Variants in RBFOX1 observed in about 807,000 individuals in gnomAD.
RBFOX1 encodes RNA binding protein fox-1 homolog 1.
In RBFOX1, 8 loss-of-function variants were observed where a neutral mutation model predicts 57.7. That is an observed-to-expected ratio of 0.14 (90% CI 0.08 to 0.25). RBFOX1 has a LOEUF of 0.25. Among genes scored for constraint, RBFOX1 ranks in the 10% least tolerant of loss-of-function variants. The probability of loss-of-function intolerance (pLI) is 1.00; values close to 1 mark genes in which losing one functional copy is unlikely to be tolerated. For missense variants in RBFOX1, 611 were observed against 548.5 expected, an observed-to-expected ratio of 1.11 and a Z score of -1.14; for synonymous variants, 326 against 222.4, an observed-to-expected ratio of 1.47 and a Z score of -4.15.
intron 4 of RBFOX1, among the ~76,000 whole-genome samples, chr16:5,992,163 G>GA (rs200237630): frequency 4.0e-5 from 6 of 148,326 alleles, no homozygotes; most frequent in African/African-American, 7.4e-5. Flanking sequence ...AAATTCTGAA[G>GA]AAAAAAAAAG....
intron 4 of RBFOX1, among the ~76,000 whole-genome samples, chr16:7,176,528 C>T (rs1192847338): frequency 6.6e-6 from 1 of 152,172 alleles, no homozygotes; most frequent in East Asian, 1.9e-4. Context: ...TTTGTAAATA[C>T]AGTTATAGTG....
intron 2 of RBFOX1, among the ~76,000 whole-genome samples, chr16:5,548,168 AAAAAAAATAT>A (rs1190973416): frequency 0.029 from 1,637 of 57,070 alleles, 39 homozygotes; most frequent in East Asian, 0.13. Flanking sequence ...TAAAAAAAAA[AAAAAAAATAT>A]ATATATATAT....
chr16:5,987,897 C>T (rs1016736148), intron 4 of RBFOX1, among the ~76,000 whole-genome samples: 1 of 152,162 alleles, frequency 6.6e-6, no homozygotes, highest in Non-Finnish European at 1.5e-5. Context: ...TGAAGTTACA[C>T]TGTGACATGG....
intron 4 of RBFOX1, among the ~76,000 whole-genome samples, chr16:7,163,684 T>C (rs928465534): frequency 1.3e-5 from 2 of 152,284 alleles, no homozygotes; most frequent in African/African-American, 4.8e-5. Flanking sequence ...TTTTAGACAG[T>C]CTTGCTCTGT....
intron 1 of RBFOX1, among the ~76,000 whole-genome samples, chr16:6,287,113 C>G (rs1206769187): frequency 6.6e-6 from 1 of 152,066 alleles, no homozygotes; most frequent in Non-Finnish European, 1.5e-5. Context: ...GCACACCTCA[C>G]CCAAGGGTAT....
At chr16:6,860,614 A>G (rs906207815) in intron 3 of RBFOX1, among the ~76,000 whole-genome samples, 1 of 152,224 alleles carries the variant, frequency 6.6e-6, no homozygotes, top group Non-Finnish European at 1.5e-5. Context: ...CAAGCAAAAC[A>G]TTAGGAAGAC....
chr16:6,772,405 GT>G (rs1291580252), intron 3 of RBFOX1, among the ~76,000 whole-genome samples: 1 of 149,436 alleles, frequency 6.7e-6, no homozygotes, highest in African/African-American at 2.5e-5. Flanking sequence ...GGCTGGAAGG[GT>G]TTTGTGTGTG....
chr16:6,478,522 C>T (rs2095320741), intron 2 of RBFOX1, among the ~76,000 whole-genome samples: 1 of 144,948 alleles, frequency 6.9e-6, no homozygotes, highest in Non-Finnish European at 1.5e-5. Flanking sequence ...GATTCACTTG[C>T]CTTGGCCTCC....
chr16:6,320,316 G>T (rs1440851801), intron 2 of RBFOX1, among the ~76,000 whole-genome samples: 1 of 151,910 alleles, frequency 6.6e-6, no homozygotes, highest in East Asian at 1.9e-4. Flanking sequence ...TCCTGTCCTT[G>T]AAGCTCAGGC....
chr16:6,407,171 ATCTATATG>A (rs1337603307), intron 2 of RBFOX1, among the ~76,000 whole-genome samples: 9 of 152,166 alleles, frequency 5.9e-5, no homozygotes, highest in African/African-American at 1.7e-4. Context: ...ATCTGTATCT[ATCTATATG>A]TCTATATGTC....
intron 3 of RBFOX1, among the ~76,000 whole-genome samples, chr16:6,757,822 C>G (rs1293721936): frequency 6.6e-6 from 1 of 152,118 alleles, no homozygotes; most frequent in Non-Finnish European, 1.5e-5. Flanking sequence ...ATAGAAATGA[C>G]AAATGTTTGA....
chr16:5,585,827 G>C (rs528631192), intron 2 of RBFOX1, among the ~76,000 whole-genome samples: 1 of 152,192 alleles, frequency 6.6e-6, no homozygotes, highest in South Asian at 2.1e-4. Context: ...AACCTGATTC[G>C]TGTGAAGTAG....
chr16:5,822,217 T>C (rs1235007020), intron 3 of RBFOX1, among the ~76,000 whole-genome samples: 6 of 152,146 alleles, frequency 3.9e-5, no homozygotes, highest in Non-Finnish European at 8.8e-5. Flanking sequence ...GTCACTGATA[T>C]GTGAGAGCTA....
chr16:6,571,599 T>C (rs931150317), intron 2 of RBFOX1, among the ~76,000 whole-genome samples: 3 of 152,130 alleles, frequency 2.0e-5, no homozygotes, highest in Non-Finnish European at 2.9e-5. Flanking sequence ...CTTGCCTGTT[T>C]TCTAGGAATC....
chr16:7,349,434 T>C lies in RBFOX1; in HGVS notation c.28-168713T>C, dbSNP rs527436431. Reference sequence around the variant, plus strand: ...AAGTATAACATTTTTCCTTTGTAGATTGGAGAAAGAAGTCATGGATCGGGC... The same window carrying C: ...AAGTATAACATTTTTCCTTTGTAGACTGGAGAAAGAAGTCATGGATCGGGC... On this transcript the variant is annotated intron_variant, in intron 4 of 15. Coordinates refer to ENST00000550418, the MANE Select transcript of RBFOX1 (RefSeq NM_018723.4). Among the ~76,000 whole-genome samples, 67 of 152,318 alleles carry C rather than the reference T, an allele frequency of 4.4e-4. 1 individual carries two copies. The highest frequency in any genetic ancestry group is 5.7e-4 in the Non-Finnish European group (39 of 68,024).
intron 1 of RBFOX1, among the ~76,000 whole-genome samples, chr16:6,173,214 T>C (rs2096975047): frequency 6.6e-6 from 1 of 152,136 alleles, no homozygotes; most frequent in African/African-American, 2.4e-5. Flanking sequence ...GCGTGGACAC[T>C]TCTGAGGGGT....
chr16:7,341,209 G>C (rs1441018727), intron 4 of RBFOX1, among the ~76,000 whole-genome samples: 1 of 152,148 alleles, frequency 6.6e-6, no homozygotes, highest in African/African-American at 2.4e-5. Context: ...TCACTGCTGA[G>C]CCCTAAGAGA....
At chr16:7,244,072 T>C (rs1243603774) in intron 4 of RBFOX1, among the ~76,000 whole-genome samples, 2 of 152,100 alleles carry the variant, frequency 1.3e-5, no homozygotes, top group Non-Finnish European at 2.9e-5. Context: ...ATAATCATTA[T>C]GTAATAAAAC....
intron 1 of RBFOX1, among the ~76,000 whole-genome samples, chr16:6,051,418 C>T (rs1356669438): frequency 6.6e-6 from 1 of 152,146 alleles, no homozygotes; most frequent in East Asian, 1.9e-4. Context: ...ACCTCTGCCT[C>T]CTGGGTTCAA....
Sources: gnomAD v4.1 joint callset for allele counts (sites outside exome capture counted in the v4.1 genomes callset) on GRCh38, gnomAD v4.1.1 for gene constraint, MANE v1.5 for transcripts, NCBI Gene and HGNC (gene_info 2026-07-23, HGNC 2026-07-21) for gene names.